The following TAB2 variants were observed in gnomAD, a reference collection of about 807,000 sequenced individuals.
TAB2 encodes the protein TGF-beta-activated kinase 1 and MAP3K7-binding protein 2.
A neutral mutation model predicts 65.0 loss-of-function variants in TAB2; 3 were observed. The ratio of observed to expected loss-of-function variants is 0.05; its 90% CI spans 0.02 to 0.12. TAB2 has a LOEUF of 0.12. TAB2 is among the 10% of genes least tolerant of loss of function. The pLI is 1.00. For missense variants in TAB2, 623 were observed against 840.3 expected (o/e 0.74, Z 3.20); for synonymous variants, 298 against 285.1 (o/e 1.05, Z -0.46).
At chr6:149,330,868 C>CA (rs1255227673) in intron 1 of TAB2, among the ~76,000 whole-genome samples, 1 of 151,860 alleles carries the variant, frequency 6.6e-6, no homozygotes, top group Non-Finnish European at 1.5e-5. Context: ...AGGTCCCAAA[C>CA]AAAAAAGACT....
At chr6:149,252,976 G>A (rs1452643245) in intron 1 of TAB2, 2 of 152,402 alleles carry the variant, frequency 1.3e-5, no homozygotes, top group Non-Finnish European at 2.9e-5. Flanking sequence ...AGCTCTATCA[G>A]GTGCACCCAG....
At chr6:149,395,107 C>T (rs936710880) in intron 3 of TAB2, among the ~76,000 whole-genome samples, 3 of 152,218 alleles carry the variant, frequency 2.0e-5, no homozygotes, top group African/African-American at 4.8e-5. Context: ...ACCGTGGTAA[C>T]GTGAGCTCCG....
intron 1 of TAB2, among the ~76,000 whole-genome samples, chr6:149,264,943 TAGA>T (rs1778230455): frequency 6.6e-6 from 1 of 152,244 alleles, no homozygotes. Context: ...GATGGGCTGG[TAGA>T]AGAAGCATAA....
At position 149,411,403 on chromosome 6, in the gene TAB2, C is replaced by T. The variant is rs1013566928; in HGVS notation, c.*1684C>T. The stretch of plus-strand genomic sequence containing the variant: ...TTAAACCATAGACCCAAAGCCCTTA[C>T]GTTTGATGCAATTTATTTTTAAAAT... On this transcript the variant is annotated 3_prime_UTR_variant, in exon 7 of 7. Coordinates refer to ENST00000637181, the MANE Select transcript of TAB2 (RefSeq NM_001292034.3). 2.6e-5 allele frequency: 4 copies of T among 152,518 alleles called. No homozygotes were observed. Among genetic ancestry groups the T allele is most frequent in the African/African-American group, 4.8e-5 (2 of 41,414 alleles). The allele number at this position is 152,518 out of a possible 1,614,324, so 9.4% of individuals were successfully genotyped here.
intron 1 of TAB2, among the ~76,000 whole-genome samples, chr6:149,353,106 T>C (rs1386133643): frequency 6.6e-6 from 1 of 152,028 alleles, no homozygotes; most frequent in Non-Finnish European, 1.5e-5. Flanking sequence ...ACTGGTGGAG[T>C]ATCTTGTTTT....
At chr6:149,237,794 T>C (rs558059878) in intron 1 of TAB2, among the ~76,000 whole-genome samples, 2 of 152,322 alleles carry the variant, frequency 1.3e-5, no homozygotes, top group South Asian at 4.1e-4. Flanking sequence ...GGCTCAGGGA[T>C]GAGCAATGAT....
chr6:149,339,540 A>G (rs925747660), intron 1 of TAB2, among the ~76,000 whole-genome samples: 1 of 152,038 alleles, frequency 6.6e-6, no homozygotes, highest in African/African-American at 2.4e-5. Context: ...AAATAGGGAT[A>G]AGTGTTTTTT....
chr6:149,285,075 T>A (rs1159861497), intron 1 of TAB2, among the ~76,000 whole-genome samples: 1 of 152,192 alleles, frequency 6.6e-6, no homozygotes, highest in African/African-American at 2.4e-5. Context: ...CACGATCTGG[T>A]TTCTGTTCAG....
chr6:149,398,855 C>G (rs1472030531), intron 5 of TAB2, among the ~76,000 whole-genome samples: 1 of 152,102 alleles, frequency 6.6e-6, no homozygotes, highest in Admixed American at 6.5e-5. Flanking sequence ...CTATTAATGT[C>G]TTACCAGCAT....
chr6:149,329,487 A>G (rs1779718305), intron 1 of TAB2, among the ~76,000 whole-genome samples: 2 of 152,138 alleles, frequency 1.3e-5, no homozygotes, highest in South Asian at 2.1e-4. Context: ...TTAAGGTTCT[A>G]TGGAGGGAGA....
chr6:149,353,019 C>T (rs1780541071), intron 1 of TAB2, among the ~76,000 whole-genome samples: 1 of 152,140 alleles, frequency 6.6e-6, no homozygotes, highest in Non-Finnish European at 1.5e-5. Flanking sequence ...TAAGATTTAC[C>T]TGTTTTGAAC....
chr6:149,398,654 C>T (rs1036331590), intron 5 of TAB2, among the ~76,000 whole-genome samples: 17 of 152,128 alleles, frequency 1.1e-4, no homozygotes, highest in African/African-American at 3.6e-4. Flanking sequence ...CTAGAAACTA[C>T]AATCCTTGAA....
At chr6:149,280,727 G>A (rs1778557781) in intron 1 of TAB2, among the ~76,000 whole-genome samples, 1 of 152,054 alleles carries the variant, frequency 6.6e-6, no homozygotes, top group Non-Finnish European at 1.5e-5. Flanking sequence ...AATCACTTGA[G>A]CCCAGGAGTT....
chr6:149,223,558 A>G (rs1008497556), intron 1 of TAB2, among the ~76,000 whole-genome samples: 3 of 152,318 alleles, frequency 2.0e-5, no homozygotes, highest in Middle Eastern at 3.4e-3. Flanking sequence ...AGCTGGATGG[A>G]TAAAAATGAC....
chr6:149,329,972 T>C (rs1180252339), intron 1 of TAB2, among the ~76,000 whole-genome samples: 1 of 152,220 alleles, frequency 6.6e-6, no homozygotes, highest in Admixed American at 6.5e-5. Flanking sequence ...TCCCTTGTTT[T>C]ACCCCTTAAG....
At chr6:149,243,014 C>T (rs1386229208) in intron 1 of TAB2, among the ~76,000 whole-genome samples, 1 of 152,242 alleles carries the variant, frequency 6.6e-6, no homozygotes, top group Non-Finnish European at 1.5e-5. Flanking sequence ...AGAATCTCCA[C>T]ATAGGTTTGA....
chr6:149,406,779 C>T (rs540166219), intron 6 of TAB2, among the ~76,000 whole-genome samples: 4 of 152,182 alleles, frequency 2.6e-5, no homozygotes, highest in East Asian at 3.9e-4. Context: ...AGTGCAATGG[C>T]GCAATCTCGG....
At chr6:149,370,596 T>A (rs1426788316) in intron 2 of TAB2, among the ~76,000 whole-genome samples, 2 of 151,986 alleles carry the variant, frequency 1.3e-5, no homozygotes, top group Non-Finnish European at 2.9e-5. Context: ...CAATTCCAAA[T>A]GGGGGAAAAA....
intron 1 of TAB2, among the ~76,000 whole-genome samples, chr6:149,282,852 T>C (rs1023570864): frequency 6.6e-6 from 1 of 152,192 alleles, no homozygotes; most frequent in Admixed American, 6.5e-5. Context: ...GCAGCTCTTA[T>C]TATCTTCAGA....
Sources: gnomAD v4.1 joint callset for allele counts (sites outside exome capture counted in the v4.1 genomes callset) on GRCh38, gnomAD v4.1.1 for gene constraint, MANE v1.5 for transcripts, NCBI Gene and HGNC (gene_info 2026-07-23, HGNC 2026-07-21) for gene names.